The following ADD1 variants were observed in gnomAD, a reference collection of about 807,000 sequenced individuals.
The protein encoded by ADD1 is adducin 1.
A neutral mutation model predicts 80.5 loss-of-function variants in ADD1; 24 were observed. That is an observed-to-expected ratio of 0.30 (90% CI 0.22 to 0.42). ADD1 has a LOEUF of 0.42. Among genes scored for constraint, ADD1 ranks in the 10% least tolerant of loss-of-function variants. The pLI is 1.00. For missense variants in ADD1, 948 were observed against 1,019.0 expected, an observed-to-expected ratio of 0.93 and a Z score of 0.95; for synonymous variants, 373 against 393.8, an observed-to-expected ratio of 0.95 and a Z score of 0.63.
In ADD1 at chr4:2,845,838, C is replaced by A. The variant is rs2108764011; in HGVS notation, c.-21+1814C>A. Among the ~76,000 whole-genome samples, 2 of 152,264 alleles carry A rather than the reference C, an allele frequency of 1.3e-5. 1 individual carries two copies. Among genetic ancestry groups the A allele is most frequent in the South Asian group, 4.1e-4 (2 of 4,832 alleles). ...AATACTGAAATGCTTTGAAAGATAACAAAATATTTACTTATTGCTTGAAAC... is the reference window on the plus strand; with the variant it reads ...AATACTGAAATGCTTTGAAAGATAAAAAAATATTTACTTATTGCTTGAAAC... On this transcript the variant is annotated intron_variant, in intron 1 of 15. Coordinates refer to ENST00000683351, the MANE Select transcript of ADD1 (RefSeq NM_001354761.2).
At chr4:2,852,189 T>TCCTTTCTTTCCTTTCTTTC (rs371676635) in intron 1 of ADD1, among the ~76,000 whole-genome samples, 3 of 50,810 alleles carry the variant, frequency 5.9e-5, no homozygotes, top group African/African-American at 2.1e-4. Context: ...TTTCTTTCTT[T>TCCTTTCTTTCCTTTCTTTC]CTTTCTTTCC....
At chr4:2,883,617 T>G (rs996545376) in intron 3 of ADD1, among the ~76,000 whole-genome samples, 1 of 152,152 alleles carries the variant, frequency 6.6e-6, no homozygotes, top group African/African-American at 2.4e-5. Flanking sequence ...CACTACAACC[T>G]TGAACTCCTA....
chr4:2,914,888 A>G lies in ADD1; in HGVS notation c.1796A>G (p.Glu599Gly), dbSNP rs1272604372. 6.2e-7 allele frequency: 1 copy of G among 1,609,548 alleles called. No individual in the cohort carries two copies. The highest frequency in any genetic ancestry group is 8.5e-7 in the Non-Finnish European group (1 of 1,177,592). The change falls in exon 14 of 16, where the codon GAG becomes GGG. Residue 599 changes from glutamate (E) to glycine (G), a missense_variant. Transcript: ENST00000683351. ...AGATGTGCCTTTCATCCACAGGGAG[A>G]GCTGGTGACGGCCTCCAAGGCCATC... ...PAKSLSFRKGELVTASKAIIE... is the reference protein window; with the variant it reads ...PAKSLSFRKGGLVTASKAIIE...
intron 11 of ADD1, 96 bp from the exon 12 acceptor site, chr4:2,908,419 T>C (rs1355543975): frequency 4.7e-6 from 5 of 1,071,378 alleles, no homozygotes; most frequent in African/African-American, 3.1e-5. Flanking sequence ...AAATGTAGCT[T>C]CCATGTGGCT....
chr4:2,885,856 C>G (rs549171494), intron 4 of ADD1, among the ~76,000 whole-genome samples: 1 of 152,028 alleles, frequency 6.6e-6, no homozygotes, highest in Admixed American at 6.6e-5. Flanking sequence ...GTGATCCGCC[C>G]GCCTTGGCCT....
intron 1 of ADD1, among the ~76,000 whole-genome samples, chr4:2,860,992 A>T (rs1394039566): frequency 1.3e-5 from 2 of 152,214 alleles, no homozygotes; most frequent in Admixed American, 1.3e-4. Flanking sequence ...AGTGGGGACT[A>T]TTCTAAATAG....
At position 2,909,359 on chromosome 4, in the gene ADD1, T is replaced by C. The variant is rs915184970; in HGVS notation, c.1719T>C (p.Cys573=). ...TTCAGGATGCACCTCTCTCTGACTGTACGGAAACTATCGAAGGGCTCGAGC... is the reference window on the plus strand; with the variant it reads ...TTCAGGATGCACCTCTCTCTGACTGCACGGAAACTATCGAAGGGCTCGAGC... ...SLVQDAPLSD[C]TETIEGLELT... The change falls in exon 13 of 16, where the codon TGT becomes TGC. Residue 573 remains cysteine, a synonymous_variant. Transcript: ENST00000683351. 4 of 1,550,394 alleles carry C rather than the reference T, an allele frequency of 2.6e-6. No individual in the cohort carries two copies. The Admixed American group carries it at 7.8e-5, about 30-fold the overall frequency.
chr4:2,858,654 T>TG (rs1728416531), intron 1 of ADD1, among the ~76,000 whole-genome samples: 1 of 152,202 alleles, frequency 6.6e-6, no homozygotes, highest in Non-Finnish European at 1.5e-5. Flanking sequence ...GTTAAACAGA[T>TG]GGTTGGCTTA....
chr4:2,923,002 C>T (rs1253300493), intron 14 of ADD1, among the ~76,000 whole-genome samples: 2 of 152,248 alleles, frequency 1.3e-5, no homozygotes, highest in African/African-American at 4.8e-5. Flanking sequence ...CAAGCTCCAG[C>T]ATCCCAGGTC....
chr4:2,877,976 A>G (rs1731630070), intron 2 of ADD1, among the ~76,000 whole-genome samples: 2 of 152,114 alleles, frequency 1.3e-5, no homozygotes, highest in South Asian at 4.1e-4. Flanking sequence ...CCAAAAAAAA[A>G]GGAGACGTGT....
At chr4:2,892,694 G>A (rs1039510865) in intron 4 of ADD1, among the ~76,000 whole-genome samples, 19 of 151,860 alleles carry the variant, frequency 1.3e-4, no homozygotes, top group African/African-American at 4.6e-4. Context: ...AAATAGCCAG[G>A]CTTAATGACT....
At chr4:2,883,742 G>A (rs1732784239) in intron 3 of ADD1, among the ~76,000 whole-genome samples, 1 of 151,796 alleles carries the variant, frequency 6.6e-6, no homozygotes. Flanking sequence ...CGTGATCTTG[G>A]CTCACTGTAA....
chr4:2,850,824 C>T (rs1383617412), intron 1 of ADD1, among the ~76,000 whole-genome samples: 1 of 152,160 alleles, frequency 6.6e-6, no homozygotes. Context: ...CCCGCCTCGG[C>T]CTCCCAAAGT....
chr4:2,899,671 G>T (rs1735852570), intron 9 of ADD1: 3 of 539,310 alleles, frequency 5.6e-6, no homozygotes, highest in African/African-American at 1.9e-5. Context: ...TTTGGACTCA[G>T]TGGGGACAAG....
intron 1 of ADD1, among the ~76,000 whole-genome samples, chr4:2,845,145 T>G (rs532136573): frequency 6.6e-6 from 1 of 152,130 alleles, no homozygotes; most frequent in African/African-American, 2.4e-5. Context: ...CGATCTCCAG[T>G]CACTGCAATC....
intron 9 of ADD1, chr4:2,904,520 T>C: frequency 1.8e-6 from 1 of 564,042 alleles, no homozygotes; most frequent in Non-Finnish European, 3.2e-6. Context: ...ATCTCCTATA[T>C]GGATGGACTT....
chr4:2,920,832 T>C (rs1446920318), intron 14 of ADD1, among the ~76,000 whole-genome samples: 1 of 152,224 alleles, frequency 6.6e-6, no homozygotes, highest in Non-Finnish European at 1.5e-5. Context: ...TTTGCCCATT[T>C]ACATTTAAGG....
chr4:2,876,157 C>T (rs750557723), intron 2 of ADD1, 47 bp downstream of exon 2: 46 of 1,561,926 alleles, frequency 2.9e-5, no homozygotes, highest in Non-Finnish European at 3.8e-5. Context: ...CTTTCCTTTT[C>T]TAATACTTCA....
intron 1 of ADD1, among the ~76,000 whole-genome samples, chr4:2,861,739 T>C (rs1728847818): frequency 6.6e-6 from 1 of 152,164 alleles, no homozygotes; most frequent in Admixed American, 6.5e-5. Flanking sequence ...TTGTTTTAAA[T>C]CTATCTAGGT....
Sources: allele counts gnomAD v4.1 joint callset (sites outside exome capture counted in the v4.1 genomes callset), GRCh38; gene constraint gnomAD v4.1.1; transcripts MANE v1.5; gene names NCBI Gene and HGNC (gene_info 2026-07-23, HGNC 2026-07-21).